ARHGEF11: variants seen among roughly 807,000 people sequenced by gnomAD.
ARHGEF11 encodes Rho guanine exchange factor (GEF) 11.
ARHGEF11 carries 55 observed loss-of-function variants against 193.7 expected under a neutral mutation model. The ratio of observed to expected loss-of-function variants is 0.28; its 90% CI spans 0.23 to 0.36. ARHGEF11 has a LOEUF of 0.36. Ranked by LOEUF, ARHGEF11 falls within the 10% of genes least tolerant of loss-of-function variation. ARHGEF11 has a pLI of 1.00. For synonymous variants in ARHGEF11, 693 were observed against 768.0 expected (o/e 0.90, Z 1.62); for missense variants, 1,723 against 2,005.6 (o/e 0.86, Z 2.69).
chr1:156,938,290 TC>T, intron 38 of ARHGEF11, 127 bp downstream of exon 38: 1 of 813,148 alleles, frequency 1.2e-6, no homozygotes, highest in Non-Finnish European at 1.9e-6. Context: ...ATCTTCCTCC[TC>T]CCCATTCCAG....
At chr1:157,008,886 T>C (rs1668217761) in intron 1 of ARHGEF11, among the ~76,000 whole-genome samples, 1 of 152,234 alleles carries the variant, frequency 6.6e-6, no homozygotes, top group Non-Finnish European at 1.5e-5. Context: ...AAGGGAGCTG[T>C]TCTCCTAAGT....
rs199794466 is a variant in ARHGEF11, at chr1:156,947,030, G to A, written c.2489-15C>T. On this transcript the variant is annotated splice_polypyrimidine_tract_variant and intron_variant, in intron 26 of 40. Coordinates refer to ENST00000368194, the MANE Select transcript of ARHGEF11 (RefSeq NM_198236.3). ...ACACCAGGAATCTGGGGCAGGAAGA[G>A]AACAAATAGAAATGCCTGGGGTTGA... The A allele has an allele frequency of 2.5e-6, 4 of 1,614,114 alleles. No homozygotes were observed. Among genetic ancestry groups the A allele is most frequent in the East Asian group, 2.2e-5 (1 of 44,886 alleles).
chr1:156,946,986 G>A lies in ARHGEF11; in HGVS notation c.2518C>T (p.Arg840Trp), dbSNP rs1265416753. ...TCTTTGATGATGGGGCCTTCCTCCCGGAGCTTCTTCATGGCTTCACACCAG... is the reference window on the plus strand; with the variant it reads ...TCTTTGATGATGGGGCCTTCCTCCCAGAGCTTCTTCATGGCTTCACACCAG... ...NSWCEAMKKL[R>W]EEGPIIKEIS... Residue 840 changes from arginine (R) to tryptophan (W), a missense_variant, in exon 27 of 41, where the codon CGG becomes TGG. Physicochemically the swap from Arg to Trp is moderately radical, Grantham distance 101 (BLOSUM62 -3). Around this residue, in one of 5 missense-constraint regions of ARHGEF11, gnomAD observed 491 missense variants for 654.5 expected, o/e 0.75. Transcript: ENST00000368194. The A allele has an allele frequency of 1.2e-6, 2 of 1,614,132 alleles. No homozygotes were observed. The highest frequency in any genetic ancestry group is 8.5e-7 in the Non-Finnish European group (1 of 1,180,028).
chr1:157,009,010 G>A (rs1404284316), intron 1 of ARHGEF11, among the ~76,000 whole-genome samples: 1 of 152,246 alleles, frequency 6.6e-6, no homozygotes, highest in Non-Finnish European at 1.5e-5. Context: ...CTCAGGAGTA[G>A]GGGTTAGCAG....
chr1:156,994,699 ACATGTGGTATGGTTTTAAAAG>A (rs1666239136), intron 1 of ARHGEF11, among the ~76,000 whole-genome samples: 1 of 152,156 alleles, frequency 6.6e-6, no homozygotes, highest in African/African-American at 2.4e-5. Flanking sequence ...AGCACACAGG[ACATGTGGTATGGTTTTAAAAG>A]CACAGCTTTA....
intron 1 of ARHGEF11, among the ~76,000 whole-genome samples, chr1:156,997,835 A>G (rs549039304): frequency 5.1e-4 from 77 of 152,232 alleles, no homozygotes; most frequent in African/African-American, 1.8e-3. Flanking sequence ...ATCATTAAAA[A>G]TAATTTCACC....
Position 156,946,755 on chromosome 1 carries a change from T to C in ARHGEF11, c.2601A>G (p.Gln867=). 1 of 1,614,204 alleles carries C rather than the reference T, an allele frequency of 6.2e-7. No individual in the cohort carries two copies. The highest frequency in any genetic ancestry group is 1.6e-4 in the Middle Eastern group (1 of 6,062). The part of the protein sequence containing the change: ...FDGPAREELQ[Q]VAAQFCSYQS... The stretch of plus-strand genomic sequence containing the variant: ...GATAGGAACAGAACTGTGCAGCCAC[T>C]TGCTGGAGTTCCTCTCGGGCAGGGC... Residue 867 remains glutamine (Q), a synonymous_variant, in exon 28 of 41, where the codon CAA becomes CAG. Coordinates refer to ENST00000368194, the MANE Select transcript of ARHGEF11 (RefSeq NM_198236.3).
chr1:156,950,690 CA>C (rs1455864821), intron 22 of ARHGEF11, among the ~76,000 whole-genome samples: 1 of 152,056 alleles, frequency 6.6e-6, no homozygotes, highest in Non-Finnish European at 1.5e-5. Context: ...CAAACGAAGG[CA>C]AAATGGCTTG....
Position 156,934,867 on chromosome 1 carries a change from A to T in ARHGEF11, c.*1133T>A, listed in dbSNP as rs1434994762. The T allele has an allele frequency of 3.3e-5, 5 of 151,334 alleles. No individual in the cohort carries two copies. The highest frequency in any genetic ancestry group is 1.2e-4 in the African/African-American group (5 of 41,302). 9.4% of individuals were successfully genotyped at this position (151,334 alleles called of 1,614,324 possible). A position where few individuals can be genotyped will look rare whatever the true frequency, so the allele number is the denominator to read the frequency against. On this transcript the variant is annotated 3_prime_UTR_variant, in exon 41 of 41. Transcript: ENST00000368194. ...AAGGATATTTAACTTTTCTTAAAAA[A>T]AAAATCTTAACCATGAAAGGAAGAA...
intron 1 of ARHGEF11, among the ~76,000 whole-genome samples, chr1:157,033,797 T>C (rs1320557919): frequency 6.6e-6 from 1 of 152,214 alleles, no homozygotes; most frequent in Admixed American, 6.5e-5. Context: ...AGACTTTCCC[T>C]TACTCCAGCC....
intron 1 of ARHGEF11, among the ~76,000 whole-genome samples, chr1:157,007,911 TTG>T (rs1479420910): frequency 2.1e-3 from 68 of 32,066 alleles, no homozygotes; most frequent in African/African-American, 6.2e-3. Flanking sequence ...TTTTTTTTTT[TTG>T]TTTTTTTTTT....
intron 1 of ARHGEF11, among the ~76,000 whole-genome samples, chr1:157,030,073 T>C (rs546106996): frequency 6.6e-6 from 1 of 152,304 alleles, no homozygotes; most frequent in Admixed American, 6.5e-5. Flanking sequence ...ACAGTGATGA[T>C]GGTTGCACAA....
At chr1:156,970,974 T>C (rs1368899121) in intron 8 of ARHGEF11, among the ~76,000 whole-genome samples, 2 of 152,212 alleles carry the variant, frequency 1.3e-5, no homozygotes, top group African/African-American at 2.4e-5. Flanking sequence ...TTGCCTATGT[T>C]TCCCAAACTT....
Position 156,991,111 on chromosome 1 carries a change from G to A in ARHGEF11, c.33-4938C>T, listed in dbSNP as rs76291114. 4.0e-3 allele frequency among the ~76,000 whole-genome samples: 615 copies of A among 152,100 alleles called. 3 individuals are homozygous for A. Among genetic ancestry groups the A allele is most frequent in the African/African-American group, 0.014 (573 of 41,490 alleles). ...TTCCTTTTCTCATATTGAGAACCCC[G>A]TTCCTAAACAATACCAATATATTTA... On this transcript the variant is annotated intron_variant, in intron 1 of 40. Coordinates refer to ENST00000368194, the MANE Select transcript of ARHGEF11 (RefSeq NM_198236.3).
intron 7 of ARHGEF11, among the ~76,000 whole-genome samples, chr1:156,972,572 C>A (rs1363944655): frequency 6.6e-6 from 1 of 152,328 alleles, no homozygotes; most frequent in East Asian, 1.9e-4. Flanking sequence ...CTCCATAAAG[C>A]TTGTTGGTAA....
chr1:156,991,710 ATTTT>A (rs57140356), intron 1 of ARHGEF11, among the ~76,000 whole-genome samples: 2 of 83,956 alleles, frequency 2.4e-5, no homozygotes, highest in South Asian at 8.9e-4. Flanking sequence ...TTTCAAGCTT[ATTTT>A]TTTTTTTTTT....
At chr1:157,007,332 T>C (rs957896351) in intron 1 of ARHGEF11, among the ~76,000 whole-genome samples, 1 of 151,382 alleles carries the variant, frequency 6.6e-6, no homozygotes, top group African/African-American at 2.4e-5. Flanking sequence ...CAAAAGAGAG[T>C]AAGAAGCATT....
chr1:156,978,922 G>C (rs1470292257), intron 5 of ARHGEF11, among the ~76,000 whole-genome samples: 1 of 152,244 alleles, frequency 6.6e-6, no homozygotes, highest in Non-Finnish European at 1.5e-5. Context: ...ATGGCAGAGG[G>C]AATTGAAAGG....
chr1:157,037,850 G>A (rs542191220), intron 1 of ARHGEF11, among the ~76,000 whole-genome samples: 3 of 151,888 alleles, frequency 2.0e-5, no homozygotes, highest in African/African-American at 7.3e-5. Context: ...GGCCAACATG[G>A]TGAAACCCCC....
Sources: allele counts gnomAD v4.1 joint callset (sites outside exome capture counted in the v4.1 genomes callset), GRCh38; gene constraint gnomAD v4.1.1; regional missense constraint gnomAD v4.1.1; transcripts MANE v1.5; gene names NCBI Gene and HGNC (gene_info 2026-07-23, HGNC 2026-07-21).